Variants in FOXP1 observed in about 807,000 individuals in gnomAD.
FOXP1 encodes forkhead box P1, also known as forkhead box protein P1.
FOXP1 carries 15 observed loss-of-function variants against 98.2 expected under a neutral mutation model. The ratio of observed to expected loss-of-function variants is 0.15; its 90% CI spans 0.10 to 0.24. The LOEUF (loss-of-function observed/expected upper bound fraction) is 0.24, where lower values mean the gene tolerates loss of function less well. Ranked by LOEUF, FOXP1 falls within the 10% of genes least tolerant of loss-of-function variation. The pLI is 1.00. For synonymous variants in FOXP1, 371 were observed against 314.5 expected, an observed-to-expected ratio of 1.18 and a Z score of -1.90; for missense variants, 633 against 848.5, an observed-to-expected ratio of 0.75 and a Z score of 3.15.
intron 2 of FOXP1, among the ~76,000 whole-genome samples, chr3:71,547,224 C>G (rs1428479762): frequency 6.6e-6 from 1 of 152,124 alleles, no homozygotes; most frequent in Non-Finnish European, 1.5e-5. Flanking sequence ...GTTACCCTTT[C>G]CTCCCCTTCA....
chr3:71,246,402 A>C (rs1214269929), intron 5 of FOXP1, among the ~76,000 whole-genome samples: 1 of 152,192 alleles, frequency 6.6e-6, no homozygotes, highest in African/African-American at 2.4e-5. Flanking sequence ...ATTAAGAATG[A>C]AGCCAGGCTG....
rs556148680 is a variant in FOXP1, at chr3:71,261,145, T to C, written c.-12+38675A>G. On this transcript the variant is annotated intron_variant, in intron 5 of 20. Transcript: ENST00000649528. ...ATGTAGGGTATTACACAACCTATCA[T>C]TTATACCTTTTAAAGTAATACAGGC... Among the ~76,000 whole-genome samples the C allele has an allele frequency of 4.1e-4, 63 of 152,286 alleles. 1 individual carries two copies. The South Asian group carries it at 5.6e-3, about 14-fold the overall frequency.
At chr3:71,583,942 G>C (rs1467539525), upstream of FOXP1, 1 of 983,928 alleles carries the variant, frequency 1.0e-6, no homozygotes, top group Non-Finnish European at 1.2e-6. Flanking sequence ...CCCCGAGCGG[G>C]AGCGGCTCCC....
At chr3:71,259,080 G>A (rs988828097) in intron 5 of FOXP1, among the ~76,000 whole-genome samples, 2 of 152,278 alleles carry the variant, frequency 1.3e-5, no homozygotes, top group Non-Finnish European at 2.9e-5. Context: ...GGGAGGCAGA[G>A]GTGCAGTGAG....
chr3:71,011,263 G>A (rs113319267), intron 12 of FOXP1, among the ~76,000 whole-genome samples: 2,310 of 152,194 alleles, frequency 0.015, 67 homozygotes, highest in African/African-American at 0.05. Context: ...TGTGGTTCAC[G>A]TGGGGTGAAC....
At chr3:71,113,722 T>TAAAATAAAATAAAATAAAAC (rs2058129012) in intron 6 of FOXP1, among the ~76,000 whole-genome samples, 1 of 145,270 alleles carries the variant, frequency 6.9e-6, no homozygotes, top group Non-Finnish European at 1.5e-5. Flanking sequence ...CAAAATAAAA[T>TAAAATAAAATAAAATAAAAC]AAAATAAAAT....
At chr3:71,117,830 T>G (rs2058483198) in intron 6 of FOXP1, among the ~76,000 whole-genome samples, 1 of 152,214 alleles carries the variant, frequency 6.6e-6, no homozygotes, top group Non-Finnish European at 1.5e-5. Flanking sequence ...TGCTGTATTT[T>G]CATGCTAGGC....
chr3:71,134,561 A>G (rs2059727484), intron 6 of FOXP1, among the ~76,000 whole-genome samples: 2 of 152,240 alleles, frequency 1.3e-5, no homozygotes, highest in African/African-American at 2.4e-5. Context: ...AAAATGAAAC[A>G]TATACTACAG....
intron 9 of FOXP1, among the ~76,000 whole-genome samples, chr3:71,050,609 ACAG>A (rs1363956743): frequency 1.3e-5 from 2 of 152,236 alleles, no homozygotes; most frequent in East Asian, 3.9e-4. Context: ...CAAAAAAGCA[ACAG>A]CAGAAGGGGA....
chr3:71,510,656 T>G (rs1323304800), intron 2 of FOXP1, among the ~76,000 whole-genome samples: 1 of 152,164 alleles, frequency 6.6e-6, no homozygotes, highest in Non-Finnish European at 1.5e-5. Context: ...CCACCAGACC[T>G]GCAGAGGGGG....
chr3:71,024,750 T>C (rs2045899341), intron 11 of FOXP1, among the ~76,000 whole-genome samples: 1 of 152,232 alleles, frequency 6.6e-6, no homozygotes, highest in Non-Finnish European at 1.5e-5. Flanking sequence ...TAAACAATGA[T>C]GGAGATTATT....
intron 11 of FOXP1, among the ~76,000 whole-genome samples, chr3:71,017,641 C>T (rs1156490462): frequency 6.6e-6 from 1 of 152,062 alleles, no homozygotes; most frequent in Non-Finnish European, 1.5e-5. Context: ...ACCTTATTTA[C>T]TGATGGGTAA....
rs748388342 is a variant in FOXP1, at chr3:71,198,312, T to A, written c.70A>T (p.Asn24Tyr). 6.2e-7 allele frequency: 1 copy of A among 1,613,814 alleles called. No homozygotes were observed. The highest frequency in any genetic ancestry group is 8.5e-7 in the Non-Finnish European group (1 of 1,179,966). Residue 24 changes from asparagine to tyrosine, a missense_variant, in exon 6 of 21, where the codon AAC becomes TAC. Around this residue, in one of 6 missense-constraint regions of FOXP1, gnomAD observed 103 missense variants for 85.5 expected, o/e 1.20. Transcript: ENST00000649528. ...AGACCGCCGCACTCTAGTAAGTGGT[T>A]GCTGCCGCCCGACCCATTCTGGATG... Reference protein sequence around the residue: ...SAIQNGSGGSNHLLECGGLRE... With the variant: ...SAIQNGSGGSYHLLECGGLRE...
chr3:71,041,665 C>A (rs894796066), intron 10 of FOXP1, 133 bp from the exon 11 acceptor site: 7 of 812,150 alleles, frequency 8.6e-6, no homozygotes, highest in South Asian at 1.5e-5. Context: ...GTTTTTTTTC[C>A]CCTCCCAACT....
chr3:71,514,729 G>A (rs983319015), intron 2 of FOXP1, among the ~76,000 whole-genome samples: 6 of 152,260 alleles, frequency 3.9e-5, no homozygotes, highest in East Asian at 1.9e-4. Context: ...TACCCAGCAC[G>A]TACACCACAG....
At chr3:71,320,451 G>A (rs550154210) in intron 4 of FOXP1, among the ~76,000 whole-genome samples, 8 of 151,848 alleles carry the variant, frequency 5.3e-5, no homozygotes, top group South Asian at 2.1e-4. Flanking sequence ...GCCTACCACC[G>A]TATTGCTCTG....
chr3:71,453,693 A>G (rs946954741), intron 3 of FOXP1, among the ~76,000 whole-genome samples: 1 of 152,176 alleles, frequency 6.6e-6, no homozygotes, highest in African/African-American at 2.4e-5. Flanking sequence ...TTGAAGAAAT[A>G]AACACCATCC....
chr3:71,565,448 G>A (rs961741634), intron 2 of FOXP1, among the ~76,000 whole-genome samples: 1 of 146,726 alleles, frequency 6.8e-6, no homozygotes, highest in Non-Finnish European at 1.5e-5. Flanking sequence ...TGGCAGTGAT[G>A]GGGGGGGAGC....
rs141651660 is a variant in FOXP1, at chr3:71,403,596, C to T, written c.-167-44352G>A. 6.6e-3 allele frequency among the ~76,000 whole-genome samples: 1,007 copies of T among 152,334 alleles called. 4 individuals are homozygous for T. Among genetic ancestry groups the T allele is most frequent in the Middle Eastern group, 0.02 (6 of 294 alleles). Reference sequence around the variant, plus strand: ...AGGCACGGTGGCTCATGCCTGTGATCCCAATACTTTGGGAGGCCAAGGTGG... The same window carrying T: ...AGGCACGGTGGCTCATGCCTGTGATTCCAATACTTTGGGAGGCCAAGGTGG... On this transcript the variant is annotated intron_variant, in intron 3 of 20. Transcript: ENST00000649528.
Sources: gnomAD v4.1 joint callset for allele counts (sites outside exome capture counted in the v4.1 genomes callset) on GRCh38, gnomAD v4.1.1 for gene constraint, gnomAD v4.1.1 regional missense constraint, MANE v1.5 for transcripts, NCBI Gene and HGNC (gene_info 2026-07-23, HGNC 2026-07-21) for gene names.